Variants in RPTOR observed in about 807,000 individuals in gnomAD.
RPTOR encodes the protein regulatory associated protein of MTOR complex 1.
Under a neutral mutation model 169.9 loss-of-function variants are expected in RPTOR, and 21 were observed. That is an observed-to-expected ratio of 0.12 (90% CI 0.09 to 0.18). RPTOR has a LOEUF of 0.18. RPTOR is among the 10% of genes least tolerant of loss of function. The pLI is 1.00. For synonymous variants in RPTOR, 732 were observed against 753.2 expected (o/e 0.97, Z 0.46); for missense variants, 1,133 against 1,855.9 (o/e 0.61, Z 7.16).
chr17:80,664,475 C>A (rs1171860517), intron 3 of RPTOR, among the ~76,000 whole-genome samples: 1 of 152,140 alleles, frequency 6.6e-6, no homozygotes, highest in Non-Finnish European at 1.5e-5. Flanking sequence ...CCTGCGCCTG[C>A]CCCCTTCTCC....
intron 2 of RPTOR, among the ~76,000 whole-genome samples, chr17:80,627,529 C>T (rs1395903995): frequency 2.0e-5 from 3 of 152,192 alleles, no homozygotes; most frequent in Non-Finnish European, 4.4e-5. Context: ...TTTCCTTTTA[C>T]AGAATGTCAT....
chr17:80,841,893 G>C (rs1436344203), intron 10 of RPTOR, among the ~76,000 whole-genome samples: 2 of 84,688 alleles, frequency 2.4e-5, no homozygotes, highest in African/African-American at 5.3e-5. Flanking sequence ...CACTCTTACC[G>C]CACGGCAGCT....
At position 80,900,275 on chromosome 17, in the gene RPTOR, C is replaced by T. The variant is rs553960315; in HGVS notation, c.2401+6410C>T. Reference sequence around the variant, plus strand: ...TGGCCTGGTGGTCGCAGCTCTCTCCCGGGTCTCCCTGCTTCCACTGTGGCC... The same window carrying T: ...TGGCCTGGTGGTCGCAGCTCTCTCCTGGGTCTCCCTGCTTCCACTGTGGCC... On this transcript the variant is annotated intron_variant, in intron 20 of 33. Coordinates refer to ENST00000306801, the MANE Select transcript of RPTOR (RefSeq NM_020761.3). 2.8e-3 allele frequency among the ~76,000 whole-genome samples: 420 copies of T among 152,090 alleles called. 5 individuals carry two copies. The highest frequency in any genetic ancestry group is 3.8e-3 in the Non-Finnish European group (261 of 67,958).
intron 13 of RPTOR, among the ~76,000 whole-genome samples, chr17:80,874,786 C>T (rs2068088119): frequency 6.6e-6 from 1 of 152,180 alleles, no homozygotes; most frequent in South Asian, 2.1e-4. Context: ...CAGATGACTT[C>T]CCCGGTAGCA....
intron 3 of RPTOR, among the ~76,000 whole-genome samples, chr17:80,704,216 T>G (rs1239256550): frequency 6.6e-6 from 1 of 152,248 alleles, no homozygotes; most frequent in East Asian, 1.9e-4. Flanking sequence ...CTTGAGTGGA[T>G]GTGGTTTTGG....
rs151258061 is a variant in RPTOR at position 80,636,866 on chromosome 17, C to T, written c.266-6862C>T. The stretch of plus-strand genomic sequence containing the variant: ...CCGCTGCTTTCTGTAGGGCTGACTA[C>T]GAAAGAGGGCTGCAGTGAACACACC... On this transcript the variant is annotated intron_variant, in intron 2 of 33. Coordinates refer to ENST00000306801, the MANE Select transcript of RPTOR (RefSeq NM_020761.3). Among the ~76,000 whole-genome samples the T allele has an allele frequency of 2.0e-3, 300 of 152,292 alleles. 2 individuals are homozygous for T. Among genetic ancestry groups the T allele is most frequent in the East Asian group, 0.013 (69 of 5,178 alleles).
At chr17:80,952,457 G>C (rs566699334) in intron 28 of RPTOR, among the ~76,000 whole-genome samples, 80 of 152,242 alleles carry the variant, frequency 5.3e-4, no homozygotes, top group African/African-American at 1.9e-3. Context: ...CTGCTGCAGG[G>C]AGCCTGCAGG....
intron 6 of RPTOR, among the ~76,000 whole-genome samples, chr17:80,757,878 C>T (rs1399971460): frequency 1.3e-5 from 2 of 152,084 alleles, no homozygotes; most frequent in Non-Finnish European, 2.9e-5. Context: ...AGCAGCCTCT[C>T]ACCTTTATGA....
chr17:80,962,317 C>T (rs547659709), intron 31 of RPTOR, 144 bp from the exon 32 acceptor site: 23 of 682,472 alleles, frequency 3.4e-5, no homozygotes, highest in East Asian at 2.6e-4. Flanking sequence ...TCACTGGGGA[C>T]GCTGAGCATC....
At chr17:80,564,093 C>T (rs536411749) in intron 1 of RPTOR, among the ~76,000 whole-genome samples, 16 of 150,778 alleles carry the variant, frequency 1.1e-4, no homozygotes, top group African/African-American at 2.7e-4. Context: ...GACGGAGTCT[C>T]GCTCTGTCGC....
intron 4 of RPTOR, among the ~76,000 whole-genome samples, chr17:80,722,943 C>A (rs180872641): frequency 6.6e-6 from 1 of 151,474 alleles, no homozygotes; most frequent in East Asian, 1.9e-4. Flanking sequence ...TGGGATGGTT[C>A]CTCAGCTGTT....
At chr17:80,827,495 G>A (rs1391600240) in intron 9 of RPTOR, among the ~76,000 whole-genome samples, 1 of 152,200 alleles carries the variant, frequency 6.6e-6, no homozygotes, top group East Asian at 1.9e-4. Context: ...GCAGGAGCCG[G>A]GTGCTGCATC....
At chr17:80,682,688 G>A (rs1475412094) in intron 3 of RPTOR, among the ~76,000 whole-genome samples, 3 of 152,192 alleles carry the variant, frequency 2.0e-5, no homozygotes, top group Non-Finnish European at 4.4e-5. Flanking sequence ...GAATACTTGA[G>A]TCTATAGAGT....
intron 6 of RPTOR, among the ~76,000 whole-genome samples, chr17:80,775,532 C>G (rs2066884779): frequency 6.6e-6 from 1 of 152,188 alleles, no homozygotes. Context: ...GGAGGCAGAG[C>G]CAGCCCTGGT....
chr17:80,701,777 G>C (rs1387316971), intron 3 of RPTOR, among the ~76,000 whole-genome samples: 1 of 152,210 alleles, frequency 6.6e-6, no homozygotes, highest in Non-Finnish European at 1.5e-5. Context: ...CAGTGTCTTT[G>C]TTAGAAACTC....
At chr17:80,830,451 C>T (rs2067490619) in intron 9 of RPTOR, among the ~76,000 whole-genome samples, 1 of 152,230 alleles carries the variant, frequency 6.6e-6, no homozygotes, top group East Asian at 1.9e-4. Flanking sequence ...TAGTAGACCA[C>T]CCCCCAATTC....
At chr17:80,747,046 T>C (rs1343177025) in intron 5 of RPTOR, among the ~76,000 whole-genome samples, 1 of 152,084 alleles carries the variant, frequency 6.6e-6, no homozygotes, top group Non-Finnish European at 1.5e-5. Flanking sequence ...GGTGAAACCC[T>C]GTCTCTACTA....
intron 3 of RPTOR, among the ~76,000 whole-genome samples, chr17:80,691,534 A>G (rs758788763): frequency 1.6e-4 from 24 of 152,048 alleles, no homozygotes; most frequent in Admixed American, 3.9e-4. Flanking sequence ...GACTTACTCT[A>G]TTCGTTCTTC....
chr17:80,864,014 G>A (rs759091964), intron 13 of RPTOR, among the ~76,000 whole-genome samples: 17 of 152,128 alleles, frequency 1.1e-4, no homozygotes, highest in Non-Finnish European at 2.2e-4. Context: ...ATTCCATTGC[G>A]GGACAACGGC....
Sources: gnomAD v4.1 joint callset for allele counts (sites outside exome capture counted in the v4.1 genomes callset) on GRCh38, gnomAD v4.1.1 for gene constraint, MANE v1.5 for transcripts, NCBI Gene and HGNC (gene_info 2026-07-23, HGNC 2026-07-21) for gene names.